COL22A1: variants seen among roughly 807,000 people sequenced by gnomAD.
COL22A1 encodes the protein collagen alpha-1(XXII) chain.
In COL22A1, 221 loss-of-function variants were observed where a neutral mutation model predicts 248.9. The ratio of observed to expected loss-of-function variants is 0.89; its 90% CI spans 0.80 to 0.99. COL22A1 has a LOEUF of 0.99. COL22A1 is among the 50% of genes least tolerant of loss of function. COL22A1 has a pLI of 0.00. For missense variants in COL22A1, 2,240 were observed against 2,179.0 expected (o/e 1.03, Z -0.56); for synonymous variants, 891 against 793.4 (o/e 1.12, Z -2.07).
intron 13 of COL22A1, 57 bp downstream of exon 13, chr8:138,780,870 A>C (rs937227183): frequency 8.3e-6 from 12 of 1,438,518 alleles, no homozygotes; most frequent in Non-Finnish European, 1.1e-5. Flanking sequence ...GGTTCTGACC[A>C]GGAGATCACC....
intron 16 of COL22A1, among the ~76,000 whole-genome samples, chr8:138,762,968 A>G (rs114545341): frequency 0.026 from 3,944 of 152,304 alleles, 175 homozygotes; most frequent in African/African-American, 0.089. Flanking sequence ...ATTCAGACGG[A>G]GCTGACTGAG....
At chr8:138,894,302 A>G (rs7002792) in intron 1 of COL22A1, among the ~76,000 whole-genome samples, 27,134 of 152,174 alleles carry the variant, frequency 0.18, 2,473 homozygotes, top group Middle Eastern at 0.21. Flanking sequence ...GATGGATTAG[A>G]GAGACCAATG....
chr8:138,910,307 C>T (rs1249392858), intron 1 of COL22A1, among the ~76,000 whole-genome samples: 3 of 152,154 alleles, frequency 2.0e-5, no homozygotes, highest in Non-Finnish European at 4.4e-5. Context: ...ACATACACAC[C>T]CACACAGACA....
intron 44 of COL22A1, among the ~76,000 whole-genome samples, chr8:138,656,185 G>A (rs1319894225): frequency 6.6e-6 from 1 of 152,158 alleles, no homozygotes; most frequent in Non-Finnish European, 1.5e-5. Context: ...TTGGCCTTTG[G>A]CCATCCCTAC....
intron 44 of COL22A1, among the ~76,000 whole-genome samples, chr8:138,659,230 A>G (rs886461716): frequency 6.6e-6 from 1 of 152,140 alleles, no homozygotes; most frequent in African/African-American, 2.4e-5. Context: ...TGCTCCTCTC[A>G]TTGGAAGGTG....
chr8:138,853,405 A>C (rs1020781985), intron 3 of COL22A1, among the ~76,000 whole-genome samples: 3 of 152,162 alleles, frequency 2.0e-5, no homozygotes, highest in African/African-American at 7.2e-5. Flanking sequence ...CTCATGAGGG[A>C]GCTGTCTTGG....
intron 38 of COL22A1, 58 bp from the exon 39 acceptor site, chr8:138,684,527 C>A: frequency 2.5e-6 from 3 of 1,221,988 alleles, no homozygotes; most frequent in Non-Finnish European, 3.6e-6. Flanking sequence ...ACTGACCCAT[C>A]CACCACGTGC....
chr8:138,870,570 C>T (rs1823257715), intron 3 of COL22A1, among the ~76,000 whole-genome samples: 1 of 151,244 alleles, frequency 6.6e-6, no homozygotes, highest in Admixed American at 6.6e-5. Flanking sequence ...GTGTGGTGTG[C>T]AGACTGTAAA....
At chr8:138,714,078 C>T (rs961369703) in intron 30 of COL22A1, among the ~76,000 whole-genome samples, 1 of 152,202 alleles carries the variant, frequency 6.6e-6, no homozygotes, top group Non-Finnish European at 1.5e-5. Context: ...CTCTGTTACA[C>T]TGTGATTTAA....
intron 41 of COL22A1, 65 bp from the exon 42 acceptor site, chr8:138,663,805 G>GAATAAACACCATAGC: frequency 1.6e-6 from 2 of 1,281,210 alleles, no homozygotes; most frequent in Non-Finnish European, 2.3e-6. Context: ...ACAAGCTATG[G>GAATAAACACCATAGC]TGTTTATTCC....
intron 1 of COL22A1, among the ~76,000 whole-genome samples, chr8:138,902,049 T>C (rs1164402000): frequency 6.6e-6 from 1 of 152,014 alleles, no homozygotes. Context: ...ACTCCAGCTG[T>C]AAGACGCTGT....
chr8:138,806,663 T>C (rs761849309), intron 10 of COL22A1, among the ~76,000 whole-genome samples: 20 of 152,120 alleles, frequency 1.3e-4, no homozygotes, highest in Non-Finnish European at 2.9e-4. Context: ...GGGTTTGCTA[T>C]CACTCATTCA....
intron 30 of COL22A1, among the ~76,000 whole-genome samples, chr8:138,714,783 C>T (rs1424179053): frequency 6.6e-6 from 1 of 152,156 alleles, no homozygotes; most frequent in East Asian, 1.9e-4. Flanking sequence ...TGCCATGATG[C>T]CCCCTTGATT....
intron 3 of COL22A1, among the ~76,000 whole-genome samples, chr8:138,876,208 T>C (rs1823705554): frequency 6.6e-6 from 1 of 152,164 alleles, no homozygotes; most frequent in Non-Finnish European, 1.5e-5. Context: ...TCATTGACCA[T>C]GTCATGGCAT....
At chr8:138,715,032 G>A (rs887802315) in intron 30 of COL22A1, among the ~76,000 whole-genome samples, 9 of 152,162 alleles carry the variant, frequency 5.9e-5, no homozygotes, top group African/African-American at 1.7e-4. Flanking sequence ...GTAAACAGGC[G>A]ACACAGAGCA....
rs77160627 is a variant in COL22A1, at chr8:138,636,416, G to A, written c.3555+326C>T. Among the ~76,000 whole-genome samples the A allele has an allele frequency of 2.9e-3, 438 of 149,136 alleles. 2 individuals carry two copies. The highest frequency in any genetic ancestry group is 0.011 in the African/African-American group (425 of 40,468). ...GGAAGAAGGGGGAATTTTTTAATGA[G>A]TGTCCATTTCAGTGAAAAAAAAAGT... On this transcript the variant is annotated intron_variant, in intron 48 of 64. Coordinates refer to ENST00000303045, the MANE Select transcript of COL22A1 (RefSeq NM_152888.3).
chr8:138,744,555 G>T (rs1296334183), intron 22 of COL22A1, among the ~76,000 whole-genome samples: 1 of 152,144 alleles, frequency 6.6e-6, no homozygotes, highest in Non-Finnish European at 1.5e-5. Context: ...GAGCCAGGCA[G>T]ATCTCATGCC....
chr8:138,683,714 G>T (rs1359196520), intron 39 of COL22A1, among the ~76,000 whole-genome samples: 1 of 152,186 alleles, frequency 6.6e-6, no homozygotes, highest in African/African-American at 2.4e-5. Flanking sequence ...CTGAATGGCT[G>T]TGTGGATCAG....
chr8:138,756,806 T>C (rs1301065414), intron 18 of COL22A1, among the ~76,000 whole-genome samples: 1 of 152,152 alleles, frequency 6.6e-6, no homozygotes, highest in African/African-American at 2.4e-5. Context: ...ATTTACAATG[T>C]ATCTTCCAAT....
Sources: allele counts gnomAD v4.1 joint callset (sites outside exome capture counted in the v4.1 genomes callset), GRCh38; gene constraint gnomAD v4.1.1; transcripts MANE v1.5; gene names NCBI Gene and HGNC (gene_info 2026-07-23, HGNC 2026-07-21).